ATRNL1: variants seen among roughly 807,000 people sequenced by gnomAD.
ATRNL1 encodes attractin-like protein 1.
Under a neutral mutation model 182.7 loss-of-function variants are expected in ATRNL1, and 95 were observed. The observed-to-expected ratio is 0.52, with a 90% CI of 0.44 to 0.62. ATRNL1 has a LOEUF of 0.62. Ranked by LOEUF, ATRNL1 falls within the 20% of genes least tolerant of loss-of-function variation. The pLI, the probability that ATRNL1 is intolerant of heterozygous loss-of-function variation, is 0.00. For synonymous variants in ATRNL1, 576 were observed against 568.3 expected (o/e 1.01, Z -0.19); for missense variants, 1,471 against 1,679.5 (o/e 0.88, Z 2.17).
chr10:115,644,020 G>T (rs1859437693), intron 26 of ATRNL1, among the ~76,000 whole-genome samples: 1 of 152,128 alleles, frequency 6.6e-6, no homozygotes, highest in Admixed American at 6.6e-5. Context: ...GTGAACGTTT[G>T]TAGTGGCTTT....
chr10:115,690,437 CT>C, intron 26 of ATRNL1, among the ~76,000 whole-genome samples: 1 of 152,282 alleles, frequency 6.6e-6, no homozygotes, highest in Admixed American at 6.5e-5. Flanking sequence ...GATGCCCCTG[CT>C]GATCTGACAA....
intron 10 of ATRNL1, among the ~76,000 whole-genome samples, chr10:115,262,475 A>G (rs1345549993): frequency 6.6e-6 from 1 of 152,034 alleles, no homozygotes; most frequent in African/African-American, 2.4e-5. Context: ...AAAAACCTTT[A>G]CTGGAAAATT....
At chr10:115,875,510 A>T (rs543077319) in intron 28 of ATRNL1, among the ~76,000 whole-genome samples, 1 of 152,298 alleles carries the variant, frequency 6.6e-6, no homozygotes, top group East Asian at 1.9e-4. Context: ...AAATTCCCCA[A>T]ACTAAGACAT....
In ATRNL1 at chr10:115,291,970, C is replaced by G. The variant is rs546728922; in HGVS notation, c.2415+5573C>G. The stretch of plus-strand genomic sequence containing the variant: ...TTTTGAAAGGTTTGGTAGAATTCAG[C>G]AGTGAAGCCATCTGGTCCTGGACTT... On this transcript the variant is annotated intron_variant, in intron 15 of 28. Coordinates refer to ENST00000355044, the MANE Select transcript of ATRNL1 (RefSeq NM_207303.4). Among the ~76,000 whole-genome samples, 12 of 141,936 alleles carry G rather than the reference C, an allele frequency of 8.5e-5. No individual in the cohort carries two copies. In the East Asian group the frequency reaches 2.0e-3, roughly 24 times the overall value. 93.1% of individuals were successfully genotyped at this position (141,936 alleles called of 152,430 possible). A position where few individuals can be genotyped will look rare whatever the true frequency, so the allele number is the denominator to read the frequency against.
intron 19 of ATRNL1, among the ~76,000 whole-genome samples, chr10:115,368,134 C>T (rs1857165327): frequency 6.6e-6 from 1 of 152,192 alleles, no homozygotes; most frequent in African/African-American, 2.4e-5. Context: ...CTCGCTGCTG[C>T]CTTACAGTTT....
At chr10:115,589,325 A>T (rs1339932860) in intron 26 of ATRNL1, among the ~76,000 whole-genome samples, 1 of 152,150 alleles carries the variant, frequency 6.6e-6, no homozygotes, top group African/African-American at 2.4e-5. Flanking sequence ...TTACTCTTTG[A>T]TCAATAATCT....
At chr10:115,610,937 A>G (rs528594585) in intron 26 of ATRNL1, among the ~76,000 whole-genome samples, 2 of 152,312 alleles carry the variant, frequency 1.3e-5, no homozygotes, top group African/African-American at 2.4e-5. Context: ...TGAAGGGACA[A>G]TAATAAATAT....
chr10:115,640,810 A>G (rs986978050), intron 26 of ATRNL1, among the ~76,000 whole-genome samples: 6 of 151,936 alleles, frequency 3.9e-5, no homozygotes, highest in Non-Finnish European at 5.9e-5. Flanking sequence ...CTTTTGTTGC[A>G]ATTGCCTTTG....
At chr10:115,815,291 T>C (rs1950135152) in intron 27 of ATRNL1, among the ~76,000 whole-genome samples, 1 of 152,174 alleles carries the variant, frequency 6.6e-6, no homozygotes, top group South Asian at 2.1e-4. Flanking sequence ...TTTTATTATT[T>C]GAAATTAATA....
At chr10:115,480,956 C>T (rs1324725516) in intron 24 of ATRNL1, among the ~76,000 whole-genome samples, 1 of 150,768 alleles carries the variant, frequency 6.6e-6, no homozygotes, top group Non-Finnish European at 1.5e-5. Context: ...CAAACATTTT[C>T]AACTTTTCCA....
intron 19 of ATRNL1, among the ~76,000 whole-genome samples, chr10:115,345,319 T>C (rs1554939406): frequency 1.3e-5 from 2 of 152,224 alleles, no homozygotes; most frequent in African/African-American, 4.8e-5. Context: ...TGCTGGTTTG[T>C]ATGTGCCTTC....
chr10:115,600,184 C>T (rs1227493135), intron 26 of ATRNL1, among the ~76,000 whole-genome samples: 5 of 151,816 alleles, frequency 3.3e-5, no homozygotes, highest in Non-Finnish European at 7.4e-5. Context: ...TCATTGATTT[C>T]ACCAAGTTCT....
intron 26 of ATRNL1, among the ~76,000 whole-genome samples, chr10:115,588,211 C>T (rs1855685350): frequency 6.6e-6 from 1 of 152,152 alleles, no homozygotes; most frequent in Non-Finnish European, 1.5e-5. Flanking sequence ...CCTCCCTTCT[C>T]ATCCCTCTCT....
At chr10:115,427,185 TCTAA>T (rs1554963096) in intron 21 of ATRNL1, among the ~76,000 whole-genome samples, 1 of 152,234 alleles carries the variant, frequency 6.6e-6, no homozygotes, top group African/African-American at 2.4e-5. Context: ...TGTAATGGTA[TCTAA>T]CTCTCATTTT....
intron 18 of ATRNL1, among the ~76,000 whole-genome samples, chr10:115,319,232 G>T (rs1214272316): frequency 2.0e-5 from 3 of 152,182 alleles, no homozygotes; most frequent in Non-Finnish European, 4.4e-5. Context: ...GTTCTAATTT[G>T]ATTGCCCTGT....
chr10:115,334,651 A>G (rs1179591774), intron 19 of ATRNL1, among the ~76,000 whole-genome samples: 2 of 152,154 alleles, frequency 1.3e-5, no homozygotes, highest in Admixed American at 6.5e-5. Context: ...TTCTTATTGT[A>G]ATTTCTCAAA....
chr10:115,794,216 A>G (rs1325108413), intron 27 of ATRNL1, among the ~76,000 whole-genome samples: 1 of 152,162 alleles, frequency 6.6e-6, no homozygotes, highest in Non-Finnish European at 1.5e-5. Flanking sequence ...AATTTACAAA[A>G]AAGTATTTAC....
chr10:115,329,381 GTA>G (rs1855084045), intron 18 of ATRNL1, among the ~76,000 whole-genome samples: 1 of 152,016 alleles, frequency 6.6e-6, no homozygotes, highest in African/African-American at 2.4e-5. Flanking sequence ...GGAATATTTT[GTA>G]TATGTGAAGT....
At chr10:115,649,459 G>A (rs1334087986) in intron 26 of ATRNL1, among the ~76,000 whole-genome samples, 1 of 152,026 alleles carries the variant, frequency 6.6e-6, no homozygotes, top group African/African-American at 2.4e-5. Flanking sequence ...ATATGTGATG[G>A]CACCATAAGA....
Sources: gnomAD v4.1 joint callset for allele counts (sites outside exome capture counted in the v4.1 genomes callset) on GRCh38, gnomAD v4.1.1 for gene constraint, MANE v1.5 for transcripts, NCBI Gene and HGNC (gene_info 2026-07-23, HGNC 2026-07-21) for gene names.